The following TMEM272 variants were observed in gnomAD, a reference collection of about 807,000 sequenced individuals.
The protein encoded by TMEM272 is transmembrane protein 272, also known as long intergenic non-protein coding RNA 282.
In TMEM272, 8 loss-of-function variants were observed where a neutral mutation model predicts 3.7. The ratio of observed to expected loss-of-function variants is 2.17; its 90% CI spans 1.27 to 3.91. TMEM272 has a LOEUF of 3.91. Among genes scored for constraint, TMEM272 ranks in the 30% most tolerant of loss-of-function variants. The pLI is 0.00. For missense variants in TMEM272, 166 were observed against 91.5 expected (o/e 1.81, Z -3.32); for synonymous variants, 63 against 39.8 (o/e 1.58, Z -2.20).
chr13:51,867,645 C>T, the TMEM272 span, among the ~76,000 whole-genome samples: 81 of 152,230 alleles, frequency 5.3e-4, no homozygotes, highest in African/African-American at 1.9e-3. Flanking sequence ...AAAATTGGCG[C>T]TGGGAAAGTC....
chr13:51,838,359 C>T (rs1956233345), intron 2 of TMEM272, 114 bp downstream of exon 2: 3 of 692,510 alleles, frequency 4.3e-6, no homozygotes, highest in Admixed American at 2.0e-5. Flanking sequence ...ACCCTGGGGC[C>T]ACCCCATACC....
At chr13:51,839,150 C>T (rs913261630) in intron 1 of TMEM272, among the ~76,000 whole-genome samples, 4 of 152,052 alleles carry the variant, frequency 2.6e-5, no homozygotes, top group African/African-American at 4.8e-5. Flanking sequence ...GGTGGAGACC[C>T]GAGCGGCCTG....
At chr13:51,846,127 A>G (rs975538457), upstream of TMEM272, among the ~76,000 whole-genome samples, 1 of 151,982 alleles carries the variant, frequency 6.6e-6, no homozygotes, top group Non-Finnish European at 1.5e-5. Context: ...CTCCGGGCTC[A>G]CTCTAGGGCT....
At chr13:51,854,470 A>G in the TMEM272 span, among the ~76,000 whole-genome samples, 2 of 152,150 alleles carry the variant, frequency 1.3e-5, no homozygotes, top group Non-Finnish European at 2.9e-5. Context: ...ATCTTTCTTC[A>G]AAATATTTAT....
At chr13:51,893,090 T>C in the TMEM272 span, among the ~76,000 whole-genome samples, 7 of 152,168 alleles carry the variant, frequency 4.6e-5, no homozygotes, top group Non-Finnish European at 8.8e-5. Context: ...TCCTTAAACA[T>C]CCACCTGTCC....
chr13:51,883,586 A>G, the TMEM272 span, among the ~76,000 whole-genome samples: 5,018 of 152,226 alleles, frequency 0.033, 289 homozygotes, highest in African/African-American at 0.11. Flanking sequence ...AGCACCATTC[A>G]ATTGGTTAAA....
chr13:51,864,160 CTTTTA>C, the TMEM272 span, among the ~76,000 whole-genome samples: 5 of 150,256 alleles, frequency 3.3e-5, no homozygotes, highest in African/African-American at 1.2e-4. Flanking sequence ...TTCCTCCCAG[CTTTTA>C]TTTTATTGTG....
At chr13:51,863,394 T>G in the TMEM272 span, among the ~76,000 whole-genome samples, 1 of 152,014 alleles carries the variant, frequency 6.6e-6, no homozygotes, top group Non-Finnish European at 1.5e-5. Context: ...CAGGGGCAGA[T>G]GAGAGGGTAA....
chr13:51,907,338 G>A, the TMEM272 span, among the ~76,000 whole-genome samples: 1 of 152,186 alleles, frequency 6.6e-6, no homozygotes, highest in Non-Finnish European at 1.5e-5. Context: ...GTCCCTCCCA[G>A]GGTTAGCCAA....
the TMEM272 span, among the ~76,000 whole-genome samples, chr13:51,900,611 T>C: frequency 6.6e-6 from 1 of 152,104 alleles, no homozygotes; most frequent in Non-Finnish European, 1.5e-5. Flanking sequence ...CTCCCAGGTG[T>C]CTCTCCAAGA....
the TMEM272 span, among the ~76,000 whole-genome samples, chr13:51,918,986 AT>A: frequency 3.9e-5 from 6 of 151,950 alleles, no homozygotes; most frequent in Non-Finnish European, 7.4e-5. Flanking sequence ...GGACCTCCTT[AT>A]GACACATCTC....
chr13:51,859,918 G>A, the TMEM272 span, among the ~76,000 whole-genome samples: 1 of 151,596 alleles, frequency 6.6e-6, no homozygotes. Flanking sequence ...TTTGAGACAG[G>A]GTCTCACTCT....
chr13:51,919,298 A>AAT, the TMEM272 span, among the ~76,000 whole-genome samples: 1 of 152,200 alleles, frequency 6.6e-6, no homozygotes. Flanking sequence ...AAGAAGACAA[A>AAT]ATCCCTGACC....
the TMEM272 span, among the ~76,000 whole-genome samples, chr13:51,903,229 T>TG: frequency 6.6e-6 from 1 of 152,188 alleles, no homozygotes; most frequent in South Asian, 2.1e-4. Context: ...AGCAGCAAGG[T>TG]GATCTAGAGA....
At chr13:51,913,261 G>T in the TMEM272 span, among the ~76,000 whole-genome samples, 1 of 152,174 alleles carries the variant, frequency 6.6e-6, no homozygotes, top group African/African-American at 2.4e-5. Flanking sequence ...ATTCTACTGA[G>T]ATACACTGAA....
the TMEM272 span, among the ~76,000 whole-genome samples, chr13:51,907,645 T>C: frequency 6.6e-6 from 1 of 152,328 alleles, no homozygotes; most frequent in East Asian, 1.9e-4. Context: ...TGCCCATGTT[T>C]TTCCATCACT....
At chr13:51,820,513 T>C (rs1956069777) in intron 4 of TMEM272, among the ~76,000 whole-genome samples, 1 of 152,232 alleles carries the variant, frequency 6.6e-6, no homozygotes, top group African/African-American at 2.4e-5. Context: ...ATTAGGGCCT[T>C]AGTTTGTTCA....
chr13:51,927,623 C>A, the TMEM272 span, among the ~76,000 whole-genome samples: 1 of 152,206 alleles, frequency 6.6e-6, no homozygotes, highest in Non-Finnish European at 1.5e-5. Flanking sequence ...CTCATCTCCA[C>A]ACTCTTGTTC....
At chr13:51,839,186 A>T (rs896849883) in intron 1 of TMEM272, among the ~76,000 whole-genome samples, 1 of 152,138 alleles carries the variant, frequency 6.6e-6, no homozygotes, top group African/African-American at 2.4e-5. Context: ...TCCCCTGTGG[A>T]CCTGCTGTGG....
Sources: gnomAD v4.1 joint callset for allele counts (sites outside exome capture counted in the v4.1 genomes callset) on GRCh38, gnomAD v4.1.1 for gene constraint, MANE v1.5 for transcripts, NCBI Gene and HGNC (gene_info 2026-07-23, HGNC 2026-07-21) for gene names.